Variants in LPAR3 observed in about 807,000 individuals in gnomAD.
The protein encoded by LPAR3 is LPA receptor 3.
LPAR3 carries 7 observed loss-of-function variants against 17.8 expected under a neutral mutation model. The observed-to-expected ratio is 0.39, with a 90% CI of 0.22 to 0.74. LPAR3 has a LOEUF of 0.74. Among genes scored for constraint, LPAR3 ranks in the 30% least tolerant of loss-of-function variants. The probability of loss-of-function intolerance (pLI) is 0.40; values close to 1 mark genes in which losing one functional copy is unlikely to be tolerated. For synonymous variants in LPAR3, 179 were observed against 179.9 expected (o/e 0.99, Z 0.04); for missense variants, 391 against 453.4 (o/e 0.86, Z 1.25).
chr1:84,892,436 A>G (rs559651587), intron 1 of LPAR3, among the ~76,000 whole-genome samples: 3 of 152,176 alleles, frequency 2.0e-5, no homozygotes, highest in Non-Finnish European at 2.9e-5. Flanking sequence ...ACAGAACAAA[A>G]GCACTTTTGT....
chr1:84,815,660 C>T (rs1658918932), intron 2 of LPAR3, among the ~76,000 whole-genome samples: 1 of 152,152 alleles, frequency 6.6e-6, no homozygotes, highest in South Asian at 2.1e-4. Context: ...AATTACTTCA[C>T]TTTTCTCAGC....
intron 2 of LPAR3, among the ~76,000 whole-genome samples, chr1:84,815,792 A>G (rs563501752): frequency 2.4e-4 from 37 of 152,204 alleles, no homozygotes; most frequent in Non-Finnish European, 4.4e-4. Context: ...AGCAGCAGTT[A>G]TCATGAGGTG....
At chr1:84,888,248 G>A (rs1660495971) in intron 1 of LPAR3, among the ~76,000 whole-genome samples, 1 of 151,916 alleles carries the variant, frequency 6.6e-6, no homozygotes, top group South Asian at 2.1e-4. Context: ...CAAACCTAAT[G>A]CCATGGAGAC....
intron 2 of LPAR3, among the ~76,000 whole-genome samples, chr1:84,828,897 C>T (rs1477134577): frequency 5.3e-5 from 8 of 152,156 alleles, no homozygotes; most frequent in Admixed American, 2.6e-4. Context: ...GGACTTCATG[C>T]ATAATCCAAC....
intron 1 of LPAR3, among the ~76,000 whole-genome samples, chr1:84,874,144 G>A (rs1348659093): frequency 6.6e-6 from 1 of 152,190 alleles, no homozygotes. Context: ...ATACTGGTCA[G>A]TAGAGGTTCC....
intron 2 of LPAR3, among the ~76,000 whole-genome samples, chr1:84,862,637 C>T (rs1280563734): frequency 1.3e-5 from 2 of 152,208 alleles, no homozygotes; most frequent in African/African-American, 4.8e-5. Context: ...TTAACAATCA[C>T]ACTCTGTGTC....
chr1:84,871,266 A>G (rs1004928977), intron 1 of LPAR3, among the ~76,000 whole-genome samples: 1 of 152,236 alleles, frequency 6.6e-6, no homozygotes, highest in African/African-American at 2.4e-5. Context: ...TAGAAAGTCT[A>G]TATGTGGAAT....
chr1:84,839,317 A>C (rs576021399), intron 2 of LPAR3, among the ~76,000 whole-genome samples: 1 of 152,328 alleles, frequency 6.6e-6, no homozygotes, highest in African/African-American at 2.4e-5. Flanking sequence ...TAGGTTCTTA[A>C]GGGAAAAGAC....
intron 2 of LPAR3, among the ~76,000 whole-genome samples, chr1:84,853,210 G>A (rs561238116): frequency 1.3e-4 from 19 of 151,976 alleles, no homozygotes; most frequent in African/African-American, 3.6e-4. Context: ...ATTTTTGAAC[G>A]ATCAAGCTCA....
chr1:84,839,989 C>T (rs1659477869), intron 2 of LPAR3, among the ~76,000 whole-genome samples: 1 of 152,186 alleles, frequency 6.6e-6, no homozygotes, highest in Admixed American at 6.5e-5. Context: ...GTGGCAAAAT[C>T]ACAGCTCACT....
rs183683093 is a variant in LPAR3, at chr1:84,874,876, G to C, written c.-18-8738C>G. ...ATAATCACATTTCAGTAGCTTTACT[G>C]TTTGAAGGGGTTGAGAATGTCAATT... On this transcript the variant is annotated intron_variant, in intron 1 of 2. Coordinates refer to ENST00000370611, the MANE Select transcript of LPAR3 (RefSeq NM_012152.3). Among the ~76,000 whole-genome samples the C allele has an allele frequency of 3.1e-3, 460 of 150,542 alleles. 5 individuals are homozygous for C. The highest frequency in any genetic ancestry group is 0.011 in the Middle Eastern group (3 of 282).
At chr1:84,828,202 G>A (rs1488389318) in intron 2 of LPAR3, among the ~76,000 whole-genome samples, 1 of 152,036 alleles carries the variant, frequency 6.6e-6, no homozygotes, top group Non-Finnish European at 1.5e-5. Context: ...GAGATATGCT[G>A]CTGTGAGTGT....
chr1:84,864,680 C>T (rs1660005398), intron 2 of LPAR3, among the ~76,000 whole-genome samples: 1 of 151,612 alleles, frequency 6.6e-6, no homozygotes, highest in South Asian at 2.1e-4. Context: ...CAACTTGGGA[C>T]GCTGAGGCAG....
chr1:84,865,691 T>C lies in LPAR3; in HGVS notation c.430A>G (p.Arg144Gly). 6.2e-7 allele frequency: 1 copy of C among 1,614,174 alleles called. No individual in the cohort carries two copies. The highest frequency in any genetic ancestry group is 2.2e-5 in the East Asian group (1 of 44,882). Residue 144 changes from arginine to glycine, a missense_variant, in exon 2 of 3, where the codon AGG becomes GGG. Transcript: ENST00000370611. ...MRVHSNLTKK[R>G]VTLLILLVWA... ...ACAAGCAAAATGAGCAGTGTCACCC[T>C]CTTTTTGGTCAGGTTGCTATGGACC...
chr1:84,870,275 C>A (rs901116022), intron 1 of LPAR3, among the ~76,000 whole-genome samples: 2 of 152,194 alleles, frequency 1.3e-5, no homozygotes, highest in African/African-American at 4.8e-5. Flanking sequence ...TCAGAGCTAC[C>A]CAGTTGCTTG....
intron 1 of LPAR3, among the ~76,000 whole-genome samples, chr1:84,889,652 G>A (rs1486344623): frequency 6.6e-6 from 1 of 152,182 alleles, no homozygotes; most frequent in African/African-American, 2.4e-5. Flanking sequence ...CCTCCTCGAA[G>A]TCCAGTATGA....
At chr1:84,822,152 T>G (rs2102745717) in intron 2 of LPAR3, among the ~76,000 whole-genome samples, 1 of 152,296 alleles carries the variant, frequency 6.6e-6, no homozygotes, top group Non-Finnish European at 1.5e-5. Context: ...ACAAACCTAT[T>G]TCCTTCTGTG....
At chr1:84,843,768 A>G (rs1365214394) in intron 2 of LPAR3, among the ~76,000 whole-genome samples, 2 of 152,258 alleles carry the variant, frequency 1.3e-5, no homozygotes, top group African/African-American at 2.4e-5. Flanking sequence ...CGGTAAATCA[A>G]AAGTCAGTGC....
At chr1:84,848,540 C>A (rs1256780440) in intron 2 of LPAR3, among the ~76,000 whole-genome samples, 1 of 152,188 alleles carries the variant, frequency 6.6e-6, no homozygotes, top group Non-Finnish European at 1.5e-5. Context: ...TTGCCTTAGA[C>A]CAGAGACACA....
Sources: allele counts gnomAD v4.1 joint callset (sites outside exome capture counted in the v4.1 genomes callset), GRCh38; gene constraint gnomAD v4.1.1; transcripts MANE v1.5; gene names NCBI Gene and HGNC (gene_info 2026-07-23, HGNC 2026-07-21).